The following CACNA1D variants were observed in gnomAD, a reference collection of about 807,000 sequenced individuals.
CACNA1D encodes the protein calcium voltage-gated channel subunit alpha1 D, also known as voltage-dependent L-type calcium channel subunit alpha-1D.
In CACNA1D, 55 loss-of-function variants were observed where a neutral mutation model predicts 257.1. The ratio of observed to expected loss-of-function variants is 0.21; its 90% CI spans 0.17 to 0.27. The LOEUF (loss-of-function observed/expected upper bound fraction) is 0.27. CACNA1D is among the 10% of genes least tolerant of loss of function. CACNA1D has a pLI of 1.00. For synonymous variants in CACNA1D, 980 were observed against 1,014.9 expected (o/e 0.97, Z 0.65); for missense variants, 1,876 against 2,784.0 (o/e 0.67, Z 7.34).
At chr3:53,622,268 C>T (rs530494372) in intron 3 of CACNA1D, among the ~76,000 whole-genome samples, 76 of 152,278 alleles carry the variant, frequency 5.0e-4, no homozygotes, top group African/African-American at 1.8e-3. Flanking sequence ...CCAGGCTGAT[C>T]TTGAACTCCT....
chr3:53,535,934 G>A (rs1225989037), intron 3 of CACNA1D, among the ~76,000 whole-genome samples: 6 of 152,182 alleles, frequency 3.9e-5, no homozygotes, highest in Admixed American at 3.9e-4. Context: ...AGGTGGTGGG[G>A]AAGATCAAAC....
chr3:53,734,472 A>G (rs951139250), intron 19 of CACNA1D, among the ~76,000 whole-genome samples: 1 of 152,258 alleles, frequency 6.6e-6, no homozygotes, highest in Admixed American at 6.5e-5. Context: ...GTATACATAT[A>G]TGTACATATA....
intron 8 of CACNA1D, among the ~76,000 whole-genome samples, chr3:53,693,799 GT>G (rs141642484): frequency 1.3e-5 from 2 of 151,700 alleles, no homozygotes; most frequent in Non-Finnish European, 2.9e-5. Context: ...AGGTTATGTT[GT>G]TTTTTGCTTT....
Position 53,774,373 on chromosome 3 carries a change from C to A in CACNA1D, c.4111-214C>A. Reference sequence around the variant, plus strand: ...CCAGGGGAGATCCGCGAATGTGAGACCGTGCCCCTCTGGAGCACCACGTTC... The same window carrying A: ...CCAGGGGAGATCCGCGAATGTGAGAACGTGCCCCTCTGGAGCACCACGTTC... On this transcript the variant is annotated intron_variant, in intron 33 of 47. Transcript: ENST00000350061. This position sits in a 1 kb window ranked among gnomAD's most constrained non-coding sequence, Gnocchi z 4.3. The A allele has an allele frequency of 5.4e-6, 3 of 553,092 alleles. No individual in the cohort carries two copies. The South Asian group carries it at 6.0e-5, about 11-fold the overall frequency. The allele number at this position is 553,092 out of a possible 1,614,324, so 34.3% of individuals were successfully genotyped here.
chr3:53,601,190 A>G (rs1470929347), intron 3 of CACNA1D, among the ~76,000 whole-genome samples: 1 of 152,202 alleles, frequency 6.6e-6, no homozygotes, highest in Non-Finnish European at 1.5e-5. Flanking sequence ...ATCCTCCTTG[A>G]GAACCATCGA....
chr3:53,549,515 A>G (rs1180649747), intron 3 of CACNA1D, among the ~76,000 whole-genome samples: 1 of 152,204 alleles, frequency 6.6e-6, no homozygotes, highest in Non-Finnish European at 1.5e-5. Context: ...AAAATGAGGT[A>G]GGAAATCTGA....
chr3:53,651,028 T>C, intron 4 of CACNA1D, 110 bp downstream of exon 4: 1 of 966,004 alleles, frequency 1.0e-6, no homozygotes, highest in South Asian at 1.3e-5. Context: ...TGCTCTTTTA[T>C]GCCAGCTGTT....
chr3:53,563,533 C>CAA (rs34553768), intron 3 of CACNA1D, among the ~76,000 whole-genome samples: 4 of 95,520 alleles, frequency 4.2e-5, no homozygotes, highest in East Asian at 3.3e-4. Flanking sequence ...GACTCTGTCT[C>CAA]AAAAAAAAAA....
intron 3 of CACNA1D, among the ~76,000 whole-genome samples, chr3:53,598,332 T>G (rs1437115085): frequency 6.6e-6 from 1 of 151,896 alleles, no homozygotes; most frequent in Non-Finnish European, 1.5e-5. Flanking sequence ...TCCCAGCACT[T>G]TAGGAGGCCC....
chr3:53,804,977 C>T lies in CACNA1D; in HGVS notation c.5586-6C>T. 6.2e-7 allele frequency: 1 copy of T among 1,614,016 alleles called. No homozygotes were observed. Among genetic ancestry groups the T allele is most frequent in the East Asian group, 2.2e-5 (1 of 44,886 alleles). On this transcript the variant is annotated splice_region_variant and splice_polypyrimidine_tract_variant and intron_variant, in intron 44 of 47. Coordinates refer to ENST00000350061, the MANE Select transcript of CACNA1D (RefSeq NM_001128840.3). ...GAACCTTACTGCCCTCCTCTCTGAC[C>T]TCCAGGCAAAACTATGGCTACTACA...
intron 21 of CACNA1D, among the ~76,000 whole-genome samples, chr3:53,741,626 G>A (rs1194814082): frequency 1.3e-5 from 2 of 152,198 alleles, no homozygotes; most frequent in African/African-American, 2.4e-5. Flanking sequence ...GGTGTGCAGT[G>A]GGATGGTGAC....
At chr3:53,628,548 T>C (rs2093785882) in intron 3 of CACNA1D, among the ~76,000 whole-genome samples, 1 of 152,256 alleles carries the variant, frequency 6.6e-6, no homozygotes, top group African/African-American at 2.4e-5. Flanking sequence ...GTAGGAACTT[T>C]GGTTAAATAC....
At chr3:53,691,444 T>C (rs1427374228) in intron 8 of CACNA1D, among the ~76,000 whole-genome samples, 1 of 151,890 alleles carries the variant, frequency 6.6e-6, no homozygotes, top group East Asian at 1.9e-4. Flanking sequence ...TTAAAAAGAT[T>C]GAAACAAAGT....
intron 46 of CACNA1D, chr3:53,809,410 G>A (rs968624733): frequency 5.7e-6 from 1 of 175,806 alleles, no homozygotes; most frequent in Admixed American, 5.4e-5. Flanking sequence ...AGGGTGGTGG[G>A]CATGGACCTG....
chr3:53,787,931 G>A (rs764312917), intron 40 of CACNA1D, among the ~76,000 whole-genome samples: 4 of 152,060 alleles, frequency 2.6e-5, no homozygotes, highest in Non-Finnish European at 5.9e-5. Flanking sequence ...ATCTATTTAC[G>A]CCACAATTTT....
intron 40 of CACNA1D, among the ~76,000 whole-genome samples, chr3:53,796,616 A>G (rs1031063937): frequency 1.4e-4 from 22 of 152,240 alleles, no homozygotes; most frequent in African/African-American, 5.3e-4. Flanking sequence ...TCATCATATT[A>G]TGCTATTCAG....
At chr3:53,711,829 G>A (rs190567543) in intron 9 of CACNA1D, among the ~76,000 whole-genome samples, 48 of 152,346 alleles carry the variant, frequency 3.2e-4, no homozygotes, top group African/African-American at 8.4e-4. Context: ...CATTCAGCAC[G>A]TTGTGGACCC....
chr3:53,561,680 T>C (rs2092742335), intron 3 of CACNA1D, among the ~76,000 whole-genome samples: 1 of 152,206 alleles, frequency 6.6e-6, no homozygotes, highest in Non-Finnish European at 1.5e-5. Flanking sequence ...ATACTTCTCT[T>C]GATTTAGTGA....
intron 9 of CACNA1D, among the ~76,000 whole-genome samples, chr3:53,711,408 C>T (rs2108640701): frequency 6.6e-6 from 1 of 152,336 alleles, no homozygotes; most frequent in South Asian, 2.1e-4. Flanking sequence ...GAGTAGCTGT[C>T]AGGCCCATCC....
Sources: gnomAD v4.1 joint callset for allele counts (sites outside exome capture counted in the v4.1 genomes callset) on GRCh38, gnomAD v4.1.1 for gene constraint, Gnocchi (gnomAD v3.1) non-coding constraint, MANE v1.5 for transcripts, NCBI Gene and HGNC (gene_info 2026-07-23, HGNC 2026-07-21) for gene names.